Variants in ALDOA observed in about 807,000 individuals in gnomAD.
ALDOA encodes fructose-bisphosphate aldolase A.
ALDOA carries 26 observed loss-of-function variants against 43.9 expected under a neutral mutation model. The ratio of observed to expected loss-of-function variants is 0.59; its 90% confidence interval spans 0.43 to 0.82. ALDOA has a LOEUF of 0.82. Among genes scored for constraint, ALDOA ranks in the 40% least tolerant of loss-of-function variants. The probability of loss-of-function intolerance (pLI) is 0.00; values close to 1 mark genes in which losing one functional copy is unlikely to be tolerated. For missense variants in ALDOA, 498 were observed against 549.5 expected (o/e 0.91, Z 0.94); for synonymous variants, 258 against 222.6 (o/e 1.16, Z -1.42).
At chr16:30,067,850 A>C (rs1306882311) in intron 4 of ALDOA, 189 bp downstream of exon 4, 5 of 696,854 alleles carry the variant, frequency 7.2e-6, no homozygotes, top group Non-Finnish European at 1.2e-5. Flanking sequence ...TTCCCACTTT[A>C]CACATGAAAA....
At chr16:30,064,345 G>C, upstream of ALDOA, 1 of 398,744 alleles carries the variant, frequency 2.5e-6, no homozygotes, top group Non-Finnish European at 4.4e-6. Context: ...CAAGGGAGGA[G>C]GGAGATTAGA....
At position 30,067,535 on chromosome 16, in the gene ALDOA, T is replaced by C. The variant is rs764211748; in HGVS notation, c.360T>C (p.Ala120=). Residue 120 remains alanine (A), a synonymous_variant, in exon 4 of 10, where the codon GCT becomes GCC. Coordinates refer to ENST00000642816, the MANE Select transcript of ALDOA (RefSeq NM_001243177.4). ...TCTACCGCCAGCTGCTGCTGACAGC[T>C]GACGACCGCGTGAACCCCTGCATTG... ...RRFYRQLLLT[A]DDRVNPCIGG... The C allele has an allele frequency of 1.9e-6, 3 of 1,613,734 alleles. No individual in the cohort carries two copies. Among genetic ancestry groups the C allele is most frequent in the Non-Finnish European group, 2.5e-6 (3 of 1,180,018 alleles).
chr16:30,065,120 G>A (rs944159174), upstream of ALDOA, among the ~76,000 whole-genome samples: 5 of 152,194 alleles, frequency 3.3e-5, no homozygotes, highest in Admixed American at 6.5e-5. Flanking sequence ...AGCCCGGCCT[G>A]CCAGCCTGGA....
chr16:30,066,642 C>T (rs574219676), intron 1 of ALDOA, among the ~76,000 whole-genome samples: 141 of 152,318 alleles, frequency 9.3e-4, no homozygotes, highest in African/African-American at 3.3e-3. Context: ...AAAGCCTGAC[C>T]TTGGGATGTC....
chr16:30,065,132 C>G (rs916141898), upstream of ALDOA, among the ~76,000 whole-genome samples: 1 of 152,330 alleles, frequency 6.6e-6, no homozygotes, highest in East Asian at 1.9e-4. Flanking sequence ...CAGCCTGGAA[C>G]TCGGATGGGG....
At position 30,069,280 on chromosome 16, in the gene ALDOA, C is replaced by A. The variant is rs536229013; in HGVS notation, c.703-26C>A. On this transcript the variant is annotated intron_variant, in intron 6 of 9. Coordinates refer to ENST00000642816, the MANE Select transcript of ALDOA (RefSeq NM_001243177.4). Reference sequence around the variant, plus strand: ...TGGGACTCTGGGTTAGGAGGCCTCACAGTGACCCTGTCCCTCGCCCTGCAG... The same window carrying A: ...TGGGACTCTGGGTTAGGAGGCCTCAAAGTGACCCTGTCCCTCGCCCTGCAG... The A allele has an allele frequency of 1.7e-5, 28 of 1,613,466 alleles. No individual in the cohort carries two copies. The South Asian group carries it at 3.0e-4, about 17-fold the overall frequency.
chr16:30,069,850 G>A lies in ALDOA; in HGVS notation c.982G>A (p.Gly328Ser). The A allele has an allele frequency of 6.2e-7, 1 of 1,614,168 alleles. No individual in the cohort carries two copies. Among genetic ancestry groups the A allele is most frequent in the Non-Finnish European group, 8.5e-7 (1 of 1,180,034 alleles). The change falls in exon 9 of 10, where the codon GGC (glycine) becomes AGC (serine). Residue 328 changes from glycine to serine, a missense_variant. Physicochemically the swap from Gly to Ser is moderately conservative, Grantham distance 56. Transcript: ENST00000642816. ...AVTGITFLSG[G>S]QSEEEASINL... ...TACAGGGATCACCTTCCTGTCTGGA[G>A]GCCAGAGTGAGGAGGAGGCGTCCAT...
chr16:30,067,323 C>G lies in ALDOA; in HGVS notation c.231C>G (p.Ile77Met), dbSNP rs900150960. The change falls in exon 3 of 10, where the codon ATC (isoleucine) becomes ATG (methionine). Residue 77 changes from isoleucine to methionine, a missense_variant. Ile to Met is a conservative substitution (Grantham distance 10). Coordinates refer to ENST00000642816, the MANE Select transcript of ALDOA (RefSeq NM_001243177.4). ...AGCTGTCTGACATCGCTCACCGCATCGTGGCACCTGGCAAGGGCATCCTGG... is the reference window on the plus strand; with the variant it reads ...AGCTGTCTGACATCGCTCACCGCATGGTGGCACCTGGCAAGGGCATCCTGG... ...KKELSDIAHR[I>M]VAPGKGILAA... is the part of the protein sequence containing the mutation. 12 of 1,613,608 alleles carry G rather than the reference C, an allele frequency of 7.4e-6. No homozygotes were observed. The highest frequency in any genetic ancestry group is 9.3e-6 in the Non-Finnish European group (11 of 1,180,038).
At chr16:30,064,890 A>G (rs915884032), upstream of ALDOA, 11 of 176,040 alleles carry the variant, frequency 6.2e-5, no homozygotes, top group Non-Finnish European at 5.9e-5. Flanking sequence ...CGATAGGAGC[A>G]GGGGGCTCAG....
In ALDOA at chr16:30,068,833, C is replaced by T; in HGVS notation, c.557C>T (p.Ser186Phe). Residue 186 changes from serine to phenylalanine, a missense_variant, in exon 6 of 10, where the codon TCT becomes TTT. Coordinates refer to ENST00000642816, the MANE Select transcript of ALDOA (RefSeq NM_001243177.4). ...ETTTQGLDGL[S>F]ERCAQYKKDG... ...CTTCTCTTAGGGTTGGATGGGCTGT[C>T]TGAGCGCTGTGCCCAGTACAAGAAG... 6.2e-7 allele frequency: 1 copy of T among 1,614,236 alleles called. No homozygotes were observed. Among genetic ancestry groups the T allele is most frequent in the Non-Finnish European group, 8.5e-7 (1 of 1,180,048 alleles).
chr16:30,069,440 G>A (rs1469259023), intron 7 of ALDOA, 51 bp downstream of exon 7: 3 of 1,613,772 alleles, frequency 1.9e-6, no homozygotes, highest in African/African-American at 1.3e-5. Flanking sequence ...GGGGACCCTG[G>A]GGCTAACCCC....
Position 30,068,991 on chromosome 16 carries a change from GTCC to G in ALDOA, c.702+16_702+18del, listed in dbSNP as rs755870797. On this transcript the variant is annotated intron_variant, in intron 6 of 9. Coordinates refer to ENST00000642816, the MANE Select transcript of ALDOA (RefSeq NM_001243177.4). Reference sequence around the variant, plus strand: ...TATCTGCCAGCAGGTGGGCCTGCAGGTCCTCAATAGGCAACCTCCTACCTCATT... The same window carrying G: ...TATCTGCCAGCAGGTGGGCCTGCAGGTCAATAGGCAACCTCCTACCTCATT... 6.2e-7 allele frequency: 1 copy of G among 1,614,082 alleles called. No individual in the cohort carries two copies.
intron 4 of ALDOA, 24 bp from the exon 5 acceptor site, chr16:30,068,622 A>G: frequency 6.2e-7 from 1 of 1,613,826 alleles, no homozygotes; most frequent in Non-Finnish European, 8.5e-7. Flanking sequence ...CTGTGTCTTA[A>G]TGTTGTTACC....
At chr16:30,065,701 A>C (rs945780368), upstream of ALDOA, 1 of 152,096 alleles carries the variant, frequency 6.6e-6, no homozygotes, top group Non-Finnish European at 1.5e-5. Flanking sequence ...CTCGTAAAGG[A>C]AAAAGCTCGG....
chr16:30,064,349 G>A (rs562656501), upstream of ALDOA: 45 of 398,804 alleles, frequency 1.1e-4, no homozygotes, highest in East Asian at 1.4e-3. Flanking sequence ...GGAGGAGGGA[G>A]ATTAGAGAAG....
At chr16:30,066,464 T>A (rs895381765) in intron 1 of ALDOA, among the ~76,000 whole-genome samples, 6 of 152,224 alleles carry the variant, frequency 3.9e-5, no homozygotes, top group African/African-American at 1.4e-4. Flanking sequence ...GGGAAGGCGC[T>A]TGCTCCTCCA....
chr16:30,067,953 A>G (rs2072179634), intron 4 of ALDOA: 2 of 493,854 alleles, frequency 4.0e-6, no homozygotes, highest in Non-Finnish European at 7.4e-6. Flanking sequence ...CTGTTGTCAA[A>G]TAACATCCCA....
At chr16:30,064,536 T>G, upstream of ALDOA, 1 of 398,618 alleles carries the variant, frequency 2.5e-6, no homozygotes, top group East Asian at 3.6e-5. Flanking sequence ...TCCCCATCAA[T>G]AGGGCCGACC....
Position 30,068,677 on chromosome 16 carries a change from CA to C in ALDOA, c.521del (p.Asn174MetfsTer33). The C allele has an allele frequency of 6.2e-7, 1 of 1,614,206 alleles. No individual in the cohort carries two copies. The highest frequency in any genetic ancestry group is 8.5e-7 in the Non-Finnish European group (1 of 1,180,038). On this transcript the variant is annotated frameshift_variant, in exon 5 of 10. Coordinates refer to ENST00000642816, the MANE Select transcript of ALDOA (RefSeq NM_001243177.4). LOFTEE classifies it high-confidence loss of function. Reference protein sequence around the residue: ...VDKGVVPLAGTNGETTTQGLD... With the variant: ...VDKGVVPLAGXNGETTTQGLD... ...AAGGGCGTGGTCCCCCTGGCAGGGA[CA>C]AATGGCGAGACTACCACCCAAGGTG... is the stretch of plus-strand genomic sequence containing the variant.
Sources: gnomAD v4.1 joint callset for allele counts (sites outside exome capture counted in the v4.1 genomes callset) on GRCh38, gnomAD v4.1.1 for gene constraint, MANE v1.5 for transcripts, NCBI Gene and HGNC (gene_info 2026-07-23, HGNC 2026-07-21) for gene names.